Variants in PRKG1 observed in about 807,000 individuals in gnomAD.
PRKG1 encodes cGMP-dependent protein kinase 1.
Under a neutral mutation model 88.1 loss-of-function variants are expected in PRKG1, and 35 were observed. That is an observed-to-expected ratio of 0.40 (90% confidence interval 0.30 to 0.53). The LOEUF (loss-of-function observed/expected upper bound fraction) is 0.53, where lower values mean the gene tolerates loss of function less well. Ranked by LOEUF, PRKG1 falls within the 20% of genes least tolerant of loss-of-function variation. The probability of loss-of-function intolerance (pLI) is 0.59; values close to 1 mark genes in which losing one functional copy is unlikely to be tolerated. For missense variants in PRKG1, 540 were observed against 839.8 expected, an observed-to-expected ratio of 0.64 and a Z score of 4.41; for synonymous variants, 303 against 292.5, an observed-to-expected ratio of 1.04 and a Z score of -0.37.
intron 4 of PRKG1, among the ~76,000 whole-genome samples, chr10:51,833,811 A>G (rs1363987607): frequency 6.6e-6 from 1 of 152,128 alleles, no homozygotes; most frequent in Non-Finnish European, 1.5e-5. Flanking sequence ...TATCTAACTG[A>G]AACTTTTACT....
Position 51,274,668 on chromosome 10 carries a change from G to A in PRKG1, c.478+121338G>A, listed in dbSNP as rs77830332. 6.6e-5 allele frequency among the ~76,000 whole-genome samples: 10 copies of A among 152,296 alleles called. No homozygotes were observed. The East Asian group carries it at 1.9e-3, about 29-fold the overall frequency. ...GAGTGTTTGAAGACAGAGCAGGGCTGCTCTTCTTCATGCAGTGGCTGATGC... is the reference window on the plus strand; with the variant it reads ...GAGTGTTTGAAGACAGAGCAGGGCTACTCTTCTTCATGCAGTGGCTGATGC... On this transcript the variant is annotated intron_variant, in intron 2 of 17. Coordinates refer to ENST00000373980, the MANE Select transcript of PRKG1 (RefSeq NM_006258.4).
intron 4 of PRKG1, among the ~76,000 whole-genome samples, chr10:51,847,445 T>A (rs1840428276): frequency 6.6e-6 from 1 of 152,080 alleles, no homozygotes; most frequent in African/African-American, 2.4e-5. Flanking sequence ...ATGAACCTTT[T>A]TTTATATCTA....
chr10:51,236,541 C>T lies in PRKG1; in HGVS notation c.478+83211C>T, dbSNP rs145287293. Among the ~76,000 whole-genome samples, 229 of 150,636 alleles carry T rather than the reference C, an allele frequency of 1.5e-3. 1 individual carries two copies. The highest frequency in any genetic ancestry group is 5.4e-3 in the African/African-American group (222 of 40,842). On this transcript the variant is annotated intron_variant, in intron 2 of 17. Coordinates refer to ENST00000373980, the MANE Select transcript of PRKG1 (RefSeq NM_006258.4). ...TTTTTTTAATGGAGTCTTGCTCTGTCGCCCAGGCTGGAGTGCAGTGGCATG... is the reference window on the plus strand; with the variant it reads ...TTTTTTTAATGGAGTCTTGCTCTGTTGCCCAGGCTGGAGTGCAGTGGCATG...
chr10:51,958,558 T>G lies in PRKG1; in HGVS notation c.762+50988T>G, dbSNP rs546661609. 8.9e-4 allele frequency among the ~76,000 whole-genome samples: 134 copies of G among 151,366 alleles called. 3 individuals are homozygous for G. In the East Asian group the frequency reaches 0.024, roughly 27 times the overall value. The stretch of plus-strand genomic sequence containing the variant: ...TCCATTGTTGTTCCTTTTTTTTTTT[T>G]TTTTCAGTTGGACGTCTACAGAGTA... On this transcript the variant is annotated intron_variant, in intron 5 of 17. Transcript: ENST00000373980.
At chr10:51,614,798 A>G (rs1466708991) in intron 3 of PRKG1, among the ~76,000 whole-genome samples, 1 of 151,980 alleles carries the variant, frequency 6.6e-6, no homozygotes, top group Non-Finnish European at 1.5e-5. Flanking sequence ...AAGCTGACCT[A>G]GTGGTCATGC....
At chr10:51,581,587 G>A (rs1207617739) in intron 3 of PRKG1, among the ~76,000 whole-genome samples, 1 of 152,088 alleles carries the variant, frequency 6.6e-6, no homozygotes. Context: ...AAACCTCCCT[G>A]ACTACATGTC....
chr10:51,266,086 G>A (rs967709631), intron 2 of PRKG1, among the ~76,000 whole-genome samples: 4 of 152,182 alleles, frequency 2.6e-5, no homozygotes, highest in Non-Finnish European at 5.9e-5. Context: ...TGATGCTGAT[G>A]CTGCCAGTAT....
chr10:52,043,736 T>C (rs1020903129), intron 5 of PRKG1, among the ~76,000 whole-genome samples: 1 of 152,136 alleles, frequency 6.6e-6, no homozygotes, highest in East Asian at 1.9e-4. Context: ...AATAGACTGC[T>C]AATTACCCTG....
At chr10:51,042,268 A>G (rs889576773) in intron 1 of PRKG1, among the ~76,000 whole-genome samples, 1 of 152,230 alleles carries the variant, frequency 6.6e-6, no homozygotes, top group Non-Finnish European at 1.5e-5. Flanking sequence ...TTCACGCAGT[A>G]AAAATATGCT....
At chr10:52,045,600 G>A (rs6480687) in intron 5 of PRKG1, among the ~76,000 whole-genome samples, 98,336 of 151,940 alleles carry the variant, frequency 0.65, 32,287 homozygotes, top group East Asian at 0.91. Context: ...GTGCCCAGCT[G>A]TTTGTGTCTT....
chr10:51,439,886 A>G (rs902635429), intron 2 of PRKG1, among the ~76,000 whole-genome samples: 1 of 151,936 alleles, frequency 6.6e-6, no homozygotes, highest in Non-Finnish European at 1.5e-5. Context: ...AATTTTTAAC[A>G]CAAGAGCTTT....
chr10:51,370,510 G>GTA (rs888790502), intron 2 of PRKG1, among the ~76,000 whole-genome samples: 1 of 91,794 alleles, frequency 1.1e-5, no homozygotes, highest in African/African-American at 4.0e-5. Context: ...GTGTGTGTGT[G>GTA]TATGTGTGTG....
chr10:51,657,886 G>A (rs970863621), intron 3 of PRKG1, among the ~76,000 whole-genome samples: 1 of 152,142 alleles, frequency 6.6e-6, no homozygotes, highest in Non-Finnish European at 1.5e-5. Flanking sequence ...GGACTCCAGG[G>A]TACTGGGCTC....
chr10:52,285,302 A>G (rs1304447331), intron 14 of PRKG1, among the ~76,000 whole-genome samples: 1 of 152,170 alleles, frequency 6.6e-6, no homozygotes, highest in Admixed American at 6.6e-5. Context: ...GACTGGGTAC[A>G]TAAATTAGAG....
At chr10:51,683,273 G>A (rs1840895704) in intron 3 of PRKG1, among the ~76,000 whole-genome samples, 1 of 152,118 alleles carries the variant, frequency 6.6e-6, no homozygotes, top group Non-Finnish European at 1.5e-5. Context: ...AGTGAGCCAA[G>A]ATTGTGCCAC....
chr10:51,540,581 C>A (rs547442435), intron 3 of PRKG1, among the ~76,000 whole-genome samples: 5 of 152,116 alleles, frequency 3.3e-5, no homozygotes, highest in Admixed American at 6.5e-5. Flanking sequence ...CATACACATT[C>A]AATGTGTGCT....
At chr10:51,291,427 G>T (rs1394125023) in intron 2 of PRKG1, among the ~76,000 whole-genome samples, 1 of 142,316 alleles carries the variant, frequency 7.0e-6, no homozygotes, top group African/African-American at 2.5e-5. Flanking sequence ...CAAGATAACG[G>T]TAACTGTAGA....
In PRKG1 at chr10:51,365,723, T is replaced by G. The variant is rs565508839; in HGVS notation, c.479-102000T>G. On this transcript the variant is annotated intron_variant, in intron 2 of 17. Coordinates refer to ENST00000373980, the MANE Select transcript of PRKG1 (RefSeq NM_006258.4). ...TAACCAGATTCCTAGGGGATTCAAA[T>G]GTACAATCAAGTTTGAGAAACATCA... is the stretch of plus-strand genomic sequence containing the variant. Among the ~76,000 whole-genome samples the G allele has an allele frequency of 1.1e-3, 171 of 152,038 alleles. 2 individuals are homozygous for G. The highest frequency in any genetic ancestry group is 6.8e-3 in the Middle Eastern group (2 of 294).
chr10:51,284,992 C>T (rs1041698302), intron 2 of PRKG1, among the ~76,000 whole-genome samples: 1 of 145,812 alleles, frequency 6.9e-6, no homozygotes, highest in Admixed American at 6.9e-5. Flanking sequence ...TGCGCTGCAC[C>T]CACTAACTCG....
Sources: gnomAD v4.1 joint callset for allele counts (sites outside exome capture counted in the v4.1 genomes callset) on GRCh38, gnomAD v4.1.1 for gene constraint, MANE v1.5 for transcripts, NCBI Gene and HGNC (gene_info 2026-07-23, HGNC 2026-07-21) for gene names.